Variants in INTS4 observed in about 807,000 individuals in gnomAD.
INTS4 encodes MSTP093.
Under a neutral mutation model 119.5 loss-of-function variants are expected in INTS4, and 70 were observed. That is an observed-to-expected ratio of 0.59 (90% CI 0.48 to 0.71). The LOEUF (loss-of-function observed/expected upper bound fraction) is 0.71. INTS4 is among the 30% of genes least tolerant of loss of function. The pLI, the probability that INTS4 is intolerant of heterozygous loss-of-function variation, is 0.00. For synonymous variants in INTS4, 316 were observed against 419.6 expected, an observed-to-expected ratio of 0.75 and a Z score of 3.02; for missense variants, 867 against 1,173.2, an observed-to-expected ratio of 0.74 and a Z score of 3.81.
intron 4 of INTS4, chr11:77,978,212 G>A (rs149680833): frequency 2.6e-4 from 40 of 152,060 alleles, no homozygotes; most frequent in African/African-American, 8.7e-4. Flanking sequence ...TTTTAGTATT[G>A]TACTTGTCAA....
Position 77,940,272 on chromosome 11 carries a change from T to TA in INTS4, c.990+907dup, listed in dbSNP as rs200743535. Reference sequence around the variant, plus strand: ...AGCAAGACCTCATTTCTACTAAAGATAAAAAAAAATTAGCTGGGCATGGTG... The same window carrying TA: ...AGCAAGACCTCATTTCTACTAAAGATAAAAAAAAAATTAGCTGGGCATGGTG... On this transcript the variant is annotated intron_variant, in intron 9 of 22. Coordinates refer to ENST00000534064, the MANE Select transcript of INTS4 (RefSeq NM_033547.4). 8.2e-3 allele frequency among the ~76,000 whole-genome samples: 1,236 copies of TA among 150,774 alleles called. 15 individuals carry two copies. The highest frequency in any genetic ancestry group is 0.029 in the African/African-American group (1,197 of 41,062).
intron 4 of INTS4, chr11:77,978,568 A>G: frequency 6.5e-6 from 1 of 152,678 alleles, no homozygotes; most frequent in East Asian, 1.9e-4. Flanking sequence ...TTGAAGCAAC[A>G]AGGCATAATA....
At chr11:77,967,000 CTTT>C (rs971493479) in intron 4 of INTS4, among the ~76,000 whole-genome samples, 1 of 151,664 alleles carries the variant, frequency 6.6e-6, no homozygotes. Context: ...CTTGCCAATA[CTTT>C]TTTTTTCTTT....
At chr11:77,983,510 C>T (rs1159254727) in intron 2 of INTS4, among the ~76,000 whole-genome samples, 7 of 152,128 alleles carry the variant, frequency 4.6e-5, no homozygotes, top group Non-Finnish European at 1.0e-4. Context: ...CAAATCAAAA[C>T]TGGGCAAAGA....
Position 77,954,151 on chromosome 11 carries a change from A to G in INTS4, c.918+1791T>C, listed in dbSNP as rs189418501. Among the ~76,000 whole-genome samples the G allele has an allele frequency of 1.3e-3, 197 of 152,340 alleles. 2 individuals are homozygous for G. The East Asian group carries it at 0.018, about 14-fold the overall frequency. On this transcript the variant is annotated intron_variant, in intron 8 of 22. Coordinates refer to ENST00000534064, the MANE Select transcript of INTS4 (RefSeq NM_033547.4). ...TGCTGAGTCCTCAAAAAGAAAACAG[A>G]AAAGTACCAAGCTAAAAGATGCAAG...
At chr11:77,888,327 G>C (rs1290645537) in intron 21 of INTS4, among the ~76,000 whole-genome samples, 2 of 152,162 alleles carry the variant, frequency 1.3e-5, no homozygotes, top group African/African-American at 2.4e-5. Context: ...ATGGGGAAAG[G>C]ATTCCCTATT....
intron 7 of INTS4, among the ~76,000 whole-genome samples, chr11:77,958,245 T>G (rs760927566): frequency 1.3e-5 from 2 of 151,280 alleles, no homozygotes; most frequent in Non-Finnish European, 3.0e-5. Context: ...TAAACATTTA[T>G]AAATATAATA....
intron 18 of INTS4, chr11:77,900,551 C>CT (rs111879239): frequency 0.066 from 33,847 of 511,440 alleles, 1 homozygote; most frequent in South Asian, 0.091. Context: ...CTCTATGGCA[C>CT]TTTTTTTTTT....
intron 4 of INTS4, among the ~76,000 whole-genome samples, chr11:77,970,987 T>C (rs1855707836): frequency 6.6e-6 from 1 of 151,944 alleles, no homozygotes; most frequent in South Asian, 2.1e-4. Flanking sequence ...TTTGTATTTT[T>C]AGTAGAAACA....
chr11:77,941,035 AT>A (rs1953917746), intron 9 of INTS4, 144 bp downstream of exon 9: 4 of 1,246,696 alleles, frequency 3.2e-6, no homozygotes, highest in Non-Finnish European at 4.3e-6. Context: ...ATTTGCTTCA[AT>A]TTACTAAGAT....
At position 77,897,203 on chromosome 11, in the gene INTS4, A is replaced by C. The variant is rs1952562153; in HGVS notation, c.2229-2854T>G. On this transcript the variant is annotated intron_variant, in intron 18 of 22. Coordinates refer to ENST00000534064, the MANE Select transcript of INTS4 (RefSeq NM_033547.4). The stretch of plus-strand genomic sequence containing the variant: ...ACAGTGGTGGCAAAGTTGGAGCTAA[A>C]CTTATAAAGATTATAAGTGGTGGCT... 3.3e-5 allele frequency among the ~76,000 whole-genome samples: 5 copies of C among 151,818 alleles called. No homozygotes were observed. The South Asian group carries it at 1.0e-3, about 31-fold the overall frequency.
At chr11:77,947,257 A>C (rs1206548263) in intron 8 of INTS4, among the ~76,000 whole-genome samples, 1 of 152,222 alleles carries the variant, frequency 6.6e-6, no homozygotes, top group Non-Finnish European at 1.5e-5. Context: ...TGATAGCTGA[A>C]AACTTGCCAA....
At chr11:77,961,213 G>A in intron 4 of INTS4, 75 bp from the exon 5 acceptor site, 1 of 1,426,794 alleles carries the variant, frequency 7.0e-7, no homozygotes, top group African/African-American at 1.5e-5. Flanking sequence ...AACAAACACA[G>A]ACAAGACCAG....
At chr11:77,943,084 A>G (rs1242423800) in intron 8 of INTS4, among the ~76,000 whole-genome samples, 3 of 152,190 alleles carry the variant, frequency 2.0e-5, no homozygotes, top group African/African-American at 7.2e-5. Flanking sequence ...TACCACCAGC[A>G]TTAGCTGTTG....
Position 77,933,371 on chromosome 11 carries a change from C to T in INTS4, c.1166-4824G>A, listed in dbSNP as rs535991631. ...CCGAGTGCCTGGGATTGCAGGCGCGCGCCGCCACGTCTGACTGGTTTTCGT... is the reference window on the plus strand; with the variant it reads ...CCGAGTGCCTGGGATTGCAGGCGCGTGCCGCCACGTCTGACTGGTTTTCGT... On this transcript the variant is annotated intron_variant, in intron 10 of 22. Coordinates refer to ENST00000534064, the MANE Select transcript of INTS4 (RefSeq NM_033547.4). Among the ~76,000 whole-genome samples, 1,163 of 142,320 alleles carry T rather than the reference C, an allele frequency of 8.2e-3. 6 individuals are homozygous for T. Among genetic ancestry groups the T allele is most frequent in the Non-Finnish European group, 0.012 (799 of 65,758 alleles). 93.4% of individuals were successfully genotyped at this position (142,320 alleles called of 152,430 possible).
At chr11:77,962,493 A>G (rs1022528788) in intron 4 of INTS4, among the ~76,000 whole-genome samples, 5 of 152,178 alleles carry the variant, frequency 3.3e-5, no homozygotes, top group African/African-American at 1.2e-4. Context: ...AAAACAAGCT[A>G]TTTGCATAAC....
At chr11:77,917,269 G>A (rs1436474541) in intron 15 of INTS4, among the ~76,000 whole-genome samples, 3 of 151,868 alleles carry the variant, frequency 2.0e-5, no homozygotes, top group African/African-American at 7.3e-5. Flanking sequence ...CAGATCAAAA[G>A]AGATCTCAAC....
At chr11:77,944,935 T>TA (rs920500723) in intron 8 of INTS4, among the ~76,000 whole-genome samples, 15 of 151,520 alleles carry the variant, frequency 9.9e-5, no homozygotes, top group African/African-American at 1.7e-4. Context: ...AAGATTTGTT[T>TA]AAAAAAAAAT....
chr11:77,881,838 A>C (rs539626973), intron 22 of INTS4, among the ~76,000 whole-genome samples: 1 of 152,266 alleles, frequency 6.6e-6, no homozygotes, highest in South Asian at 2.1e-4. Context: ...ATAAACAATT[A>C]AAACAGGGAT....
Sources: gnomAD v4.1 joint callset for allele counts (sites outside exome capture counted in the v4.1 genomes callset) on GRCh38, gnomAD v4.1.1 for gene constraint, MANE v1.5 for transcripts, NCBI Gene and HGNC (gene_info 2026-07-23, HGNC 2026-07-21) for gene names.